MALRD1: variants seen among roughly 807,000 people sequenced by gnomAD.
MALRD1 encodes MAM and LDL receptor class A domain containing 1.
In MALRD1, 247 loss-of-function variants were observed where a neutral mutation model predicts 242.1. That is an observed-to-expected ratio of 1.02 (90% CI 0.92 to 1.13). The LOEUF (loss-of-function observed/expected upper bound fraction) is 1.13. Among genes scored for constraint, MALRD1 ranks in the 50% most tolerant of loss-of-function variants. The pLI is 0.00. For synonymous variants in MALRD1, 995 were observed against 866.6 expected (o/e 1.15, Z -2.60); for missense variants, 2,989 against 2,533.1 (o/e 1.18, Z -3.86).
At chr10:19,123,850 T>C (rs1161585379) in intron 6 of MALRD1, among the ~76,000 whole-genome samples, 3 of 152,126 alleles carry the variant, frequency 2.0e-5, no homozygotes, top group East Asian at 3.8e-4. Flanking sequence ...TTATGAATAG[T>C]AAATAATTTA....
In MALRD1 at chr10:19,318,698, C is replaced by G. The variant is rs189686472; in HGVS notation, c.3420-5251C>G. On this transcript the variant is annotated intron_variant, in intron 21 of 39. Transcript: ENST00000454679. ...TTCTTACGTTTTATTTTTTCCCCAGCCTGAAACAGTGATCAACTTTTTATG... is the reference window on the plus strand; with the variant it reads ...TTCTTACGTTTTATTTTTTCCCCAGGCTGAAACAGTGATCAACTTTTTATG... 1.4e-3 allele frequency among the ~76,000 whole-genome samples: 220 copies of G among 151,890 alleles called. 2 individuals are homozygous for G. The highest frequency in any genetic ancestry group is 5.2e-3 in the African/African-American group (216 of 41,476).
intron 1 of MALRD1, among the ~76,000 whole-genome samples, chr10:19,056,207 T>C (rs894314926): frequency 2.8e-4 from 42 of 152,314 alleles, no homozygotes; most frequent in African/African-American, 9.6e-4. Flanking sequence ...GATTTAAGTT[T>C]TTTTTTCTAT....
chr10:19,611,870 A>G (rs560854242), intron 35 of MALRD1, among the ~76,000 whole-genome samples: 9 of 152,162 alleles, frequency 5.9e-5, no homozygotes, highest in African/African-American at 1.9e-4. Context: ...TGCCCTGCTA[A>G]ACAACAGGAT....
At chr10:19,208,953 G>T (rs141469003) in intron 17 of MALRD1, among the ~76,000 whole-genome samples, 1 of 152,282 alleles carries the variant, frequency 6.6e-6, no homozygotes, top group African/African-American at 2.4e-5. Context: ...AGTGAGCCAG[G>T]CATGGGGTCT....
At chr10:19,644,373 T>C (rs1424461584) in intron 36 of MALRD1, among the ~76,000 whole-genome samples, 2 of 63,440 alleles carry the variant, frequency 3.2e-5, no homozygotes, top group East Asian at 4.7e-4. Flanking sequence ...AAAGAGACAT[T>C]AACGTTGCCT....
rs1306165478 is a variant in MALRD1 at position 19,730,712 on chromosome 10, C to G, written c.6321C>G (p.Thr2107=). ...LANRKVPIRK[T]EGSGNCAFVN... is the part of the protein sequence containing the mutation. ...TGGCCCTGTGTGCTTTAAGGAAAAC[C>G]GAGGGAAGTGGTAACTGTGCCTTTG... The change falls in exon 39 of 40, where the codon ACC becomes ACG. Residue 2107 remains threonine, a synonymous_variant. Transcript: ENST00000454679. The G allele has an allele frequency of 6.5e-7, 1 of 1,536,256 alleles. No individual in the cohort carries two copies. Among genetic ancestry groups the G allele is most frequent in the Non-Finnish European group, 8.7e-7 (1 of 1,147,008 alleles).
chr10:19,415,265 G>A (rs1050419815), intron 28 of MALRD1, among the ~76,000 whole-genome samples: 5 of 152,208 alleles, frequency 3.3e-5, no homozygotes, highest in African/African-American at 1.2e-4. Context: ...TTATTTATTT[G>A]GGCGTTGACC....
At chr10:19,454,432 A>ATATATATATATATATATATAT (rs1835522301) in intron 29 of MALRD1, among the ~76,000 whole-genome samples, 1 of 130,966 alleles carries the variant, frequency 7.6e-6, no homozygotes, top group Non-Finnish European at 1.6e-5. Flanking sequence ...ATATATATAT[A>ATATATATATATATATATATAT]ATTATATGAT....
Position 19,567,588 on chromosome 10 carries a change from GC to G in MALRD1, c.5567del (p.Pro1856LeufsTer36), listed in dbSNP as rs1836312844. 4 of 1,550,362 alleles carry G rather than the reference GC, an allele frequency of 2.6e-6. No homozygotes were observed. Among genetic ancestry groups the G allele is most frequent in the Non-Finnish European group, 3.5e-6 (4 of 1,146,952 alleles). On this transcript the variant is annotated frameshift_variant, in exon 33 of 40. Transcript: ENST00000454679. LOFTEE classifies it high-confidence loss of function. ...GAACGGGATGGACATATGGCTCTGT[GC>G]CTCTCTCCAGTAACAGTCCGTTTAA... ...KRTGWTYGSVPLSSNSPFKVA... is the reference protein window; with the variant it reads ...KRTGWTYGSVXLSSNSPFKVA...
At chr10:19,264,185 G>T (rs1013393210) in intron 19 of MALRD1, among the ~76,000 whole-genome samples, 8 of 152,008 alleles carry the variant, frequency 5.3e-5, no homozygotes, top group Non-Finnish European at 1.0e-4. Flanking sequence ...ATTTTTTGAC[G>T]TGATCATAAG....
intron 16 of MALRD1, 62 bp from the exon 17 acceptor site, chr10:19,204,836 A>C: frequency 1.4e-6 from 2 of 1,434,864 alleles, no homozygotes; most frequent in Non-Finnish European, 9.2e-7. Context: ...GAAAAATCTA[A>C]AGGTTAAATA....
At chr10:19,655,036 G>A (rs1209822583) in intron 36 of MALRD1, among the ~76,000 whole-genome samples, 3 of 152,048 alleles carry the variant, frequency 2.0e-5, no homozygotes, top group African/African-American at 7.2e-5. Flanking sequence ...AAACAAACAC[G>A]ATGCAATTTG....
At chr10:19,317,437 A>G (rs1210225172) in intron 21 of MALRD1, among the ~76,000 whole-genome samples, 2 of 152,000 alleles carry the variant, frequency 1.3e-5, no homozygotes, top group Non-Finnish European at 2.9e-5. Context: ...ATTTTGGGGT[A>G]TGGACTCTAA....
At chr10:19,365,635 A>G (rs1315455289) in intron 26 of MALRD1, among the ~76,000 whole-genome samples, 4 of 147,000 alleles carry the variant, frequency 2.7e-5, no homozygotes, top group South Asian at 2.2e-4. Flanking sequence ...TCTCAGTCTG[A>G]TAATTGACAT....
At chr10:19,117,152 T>G (rs1489377234) in intron 5 of MALRD1, among the ~76,000 whole-genome samples, 1 of 150,900 alleles carries the variant, frequency 6.6e-6, no homozygotes, top group African/African-American at 2.4e-5. Flanking sequence ...GAAGGGAGAA[T>G]TAATATGAGT....
intron 1 of MALRD1, among the ~76,000 whole-genome samples, chr10:19,050,747 T>C (rs1485742346): frequency 1.3e-5 from 2 of 152,188 alleles, no homozygotes; most frequent in Non-Finnish European, 2.9e-5. Flanking sequence ...GAGCCCTTAC[T>C]GTTCCTTGAT....
chr10:19,520,432 T>G (rs984114793), intron 31 of MALRD1, among the ~76,000 whole-genome samples: 1 of 152,170 alleles, frequency 6.6e-6, no homozygotes, highest in Non-Finnish European at 1.5e-5. Flanking sequence ...TTCCTACATA[T>G]CAGTATATTT....
chr10:19,181,405 C>T (rs374977644), intron 14 of MALRD1, among the ~76,000 whole-genome samples: 14 of 152,258 alleles, frequency 9.2e-5, no homozygotes, highest in African/African-American at 3.4e-4. Flanking sequence ...CCATTTTTCA[C>T]ATCCTAGGTG....
At chr10:19,292,266 T>G (rs77830456) in intron 21 of MALRD1, among the ~76,000 whole-genome samples, 2 of 152,146 alleles carry the variant, frequency 1.3e-5, no homozygotes, top group East Asian at 3.9e-4. Context: ...GCATACATGA[T>G]CTCTTCTCGG....
Sources: gnomAD v4.1 joint callset for allele counts (sites outside exome capture counted in the v4.1 genomes callset) on GRCh38, gnomAD v4.1.1 for gene constraint, MANE v1.5 for transcripts, NCBI Gene and HGNC (gene_info 2026-07-23, HGNC 2026-07-21) for gene names.